The following DCAKD variants were observed in gnomAD, a reference collection of about 807,000 sequenced individuals.
The protein encoded by DCAKD is dephospho-CoA kinase domain-containing protein.
In DCAKD, 15 loss-of-function variants were observed where a neutral mutation model predicts 18.7. The observed-to-expected ratio is 0.80, with a 90% confidence interval of 0.54 to 1.24. DCAKD has a LOEUF of 1.24. Ranked by LOEUF, DCAKD falls within the 50% of genes most tolerant of loss-of-function variation. The pLI is 0.00. For synonymous variants in DCAKD, 130 were observed against 133.0 expected, an observed-to-expected ratio of 0.98 and a Z score of 0.16; for missense variants, 301 against 322.0, an observed-to-expected ratio of 0.93 and a Z score of 0.50.
intron 1 of DCAKD, among the ~76,000 whole-genome samples, chr17:45,037,767 CTT>C (rs1379583192): frequency 2.8e-4 from 31 of 110,828 alleles, no homozygotes; most frequent in Non-Finnish European, 2.0e-4. Context: ...GCTTCAAGAG[CTT>C]TTTTTTTTTT....
At chr17:45,036,186 C>T (rs879735257) in intron 1 of DCAKD, among the ~76,000 whole-genome samples, 6 of 152,212 alleles carry the variant, frequency 3.9e-5, no homozygotes, top group Non-Finnish European at 8.8e-5. Flanking sequence ...CTCCCTGAAC[C>T]TCAGTTTTCT....
At chr17:45,059,911 C>A (rs2053829737) in intron 1 of DCAKD, among the ~76,000 whole-genome samples, 1 of 152,122 alleles carries the variant, frequency 6.6e-6, no homozygotes, top group Non-Finnish European at 1.5e-5. Context: ...CGAGACCAGC[C>A]TGACCAACAT....
chr17:45,032,731 C>T (rs550262943), intron 3 of DCAKD, among the ~76,000 whole-genome samples: 2 of 150,000 alleles, frequency 1.3e-5, no homozygotes, highest in Admixed American at 6.7e-5. Context: ...TGCAGTGAGC[C>T]GAGATCGCTC....
At chr17:45,061,115 G>C (rs534984796), upstream of DCAKD, 1 of 1,346,644 alleles carries the variant, frequency 7.4e-7, no homozygotes, top group Admixed American at 3.6e-5. Context: ...CGAATGCCTA[G>C]GCTTCCGGGT....
At position 45,025,946 on chromosome 17, in the gene DCAKD, G is replaced by A. The variant is rs1307073785; in HGVS notation, c.405-1222C>T. ...TTTGTATTTTTTTTTTTTTTGAGAC[G>A]GAGTCTCGCTTGCCCAGGCTGGAGT... is the stretch of plus-strand genomic sequence containing the variant. On this transcript the variant is annotated intron_variant, in intron 4 of 4. Coordinates refer to ENST00000651974, the MANE Select transcript of DCAKD (RefSeq NM_001288655.2). Among the ~76,000 whole-genome samples the A allele has an allele frequency of 2.1e-5, 3 of 145,010 alleles. No homozygotes were observed. In the East Asian group the frequency reaches 6.0e-4, roughly 29 times the overall value.
chr17:45,045,506 T>C (rs1394445720), intron 1 of DCAKD, among the ~76,000 whole-genome samples: 1 of 152,074 alleles, frequency 6.6e-6, no homozygotes, highest in Non-Finnish European at 1.5e-5. Flanking sequence ...CTGAGGCAGA[T>C]GGATCACTTG....
intron 3 of DCAKD, chr17:45,032,184 G>A: frequency 3.2e-6 from 3 of 930,822 alleles, no homozygotes; most frequent in Non-Finnish European, 3.8e-6. Context: ...CTCTGGGTGG[G>A]GGACGGGAAG....
intron 1 of DCAKD, among the ~76,000 whole-genome samples, chr17:45,049,158 C>A (rs1288251897): frequency 6.6e-6 from 1 of 152,004 alleles, no homozygotes; most frequent in African/African-American, 2.4e-5. Flanking sequence ...GGAAAAAGGG[C>A]CAAGCATGGT....
chr17:45,038,604 G>C (rs1223387225), intron 1 of DCAKD, among the ~76,000 whole-genome samples: 3 of 152,202 alleles, frequency 2.0e-5, no homozygotes, highest in African/African-American at 7.2e-5. Flanking sequence ...ATAATTTCTT[G>C]ATTATCATAC....
At chr17:45,050,899 G>C (rs2053679603) in intron 1 of DCAKD, among the ~76,000 whole-genome samples, 1 of 152,230 alleles carries the variant, frequency 6.6e-6, no homozygotes. Flanking sequence ...ACGGGTGGCC[G>C]GATGGCCTCC....
At chr17:45,045,595 G>A (rs896482183) in intron 1 of DCAKD, among the ~76,000 whole-genome samples, 1 of 151,948 alleles carries the variant, frequency 6.6e-6, no homozygotes, top group Non-Finnish European at 1.5e-5. Context: ...AGCCGGGCGT[G>A]GTGGCGTGTG....
chr17:45,025,744 CTTTTTTTTT>C lies in DCAKD; in HGVS notation c.405-1029_405-1021del, dbSNP rs66731834. Among the ~76,000 whole-genome samples, 30 of 103,854 alleles carry C rather than the reference CTTTTTTTTT, an allele frequency of 2.9e-4. No individual in the cohort carries two copies. In the South Asian group the frequency reaches 5.4e-3, roughly 19 times the overall value. 68.1% of individuals were successfully genotyped at this position (103,854 alleles called of 152,430 possible). A position where few individuals can be genotyped will look rare whatever the true frequency, so the allele number is the denominator to read the frequency against. The stretch of plus-strand genomic sequence containing the variant: ...TTTGATCACTACATTTTGGTTCCTT[CTTTTTTTTT>C]TTTTTTTTTTTTTTTCCTGAGACAG... On this transcript the variant is annotated intron_variant, in intron 4 of 4. Transcript: ENST00000651974.
intron 4 of DCAKD, among the ~76,000 whole-genome samples, chr17:45,025,485 C>T (rs1391517561): frequency 6.6e-6 from 1 of 152,150 alleles, no homozygotes; most frequent in African/African-American, 2.4e-5. Context: ...ATACCTCCTT[C>T]ACCCACCCTG....
chr17:45,027,964 T>A (rs2053089764), intron 4 of DCAKD, among the ~76,000 whole-genome samples: 1 of 142,002 alleles, frequency 7.0e-6, no homozygotes, highest in East Asian at 2.1e-4. Context: ...CCACCTTGGG[T>A]GACAGAGTGA....
upstream of DCAKD, among the ~76,000 whole-genome samples, chr17:45,052,504 C>G (rs926900608): frequency 6.6e-6 from 1 of 152,028 alleles, no homozygotes; most frequent in Non-Finnish European, 1.5e-5. Flanking sequence ...ACAAGCCTAG[C>G]AAGCCACTCA....
At position 45,034,306 on chromosome 17, in the gene DCAKD, C is replaced by G; in HGVS notation, c.197G>C (p.Arg66Pro). The change falls in exon 3 of 5, where the codon CGC becomes CCC. Residue 66 changes from arginine to proline, a missense_variant. Coordinates refer to ENST00000651974, the MANE Select transcript of DCAKD (RefSeq NM_001288655.2). Reference sequence around the variant, plus strand: ...AAAGATCAGGTCCCCCAGGACCTTGCGATTTATGTCGCCGTTCTCCAGCAA... The same window carrying G: ...AAAGATCAGGTCCCCCAGGACCTTGGGATTTATGTCGCCGTTCTCCAGCAA... ...EVLLENGDIN[R>P]KVLGDLIFNQ... The G allele has an allele frequency of 6.2e-7, 1 of 1,614,140 alleles. No homozygotes were observed. The highest frequency in any genetic ancestry group is 1.1e-5 in the South Asian group (1 of 91,086).
chr17:45,061,013 T>A, exon 1 of DCAKD: 2 of 1,122,268 alleles, frequency 1.8e-6, no homozygotes, highest in South Asian at 2.5e-5. Flanking sequence ...TAAACCAGCA[T>A]CGAACTACAA....
chr17:45,047,504 C>CTTT (rs916286343), intron 1 of DCAKD, among the ~76,000 whole-genome samples: 19 of 124,494 alleles, frequency 1.5e-4, no homozygotes, highest in Non-Finnish European at 2.4e-4. Context: ...TGGCTAGTCT[C>CTTT]TTTTTTTTTT....
chr17:45,059,459 G>A (rs547231722), intron 1 of DCAKD, among the ~76,000 whole-genome samples: 22 of 152,154 alleles, frequency 1.4e-4, no homozygotes, highest in African/African-American at 4.8e-4. Flanking sequence ...CACTCAACCC[G>A]AATAGGAAAT....
Sources: allele counts gnomAD v4.1 joint callset (sites outside exome capture counted in the v4.1 genomes callset), GRCh38; gene constraint gnomAD v4.1.1; transcripts MANE v1.5; gene names NCBI Gene and HGNC (gene_info 2026-07-23, HGNC 2026-07-21).